Variants in PNPLA1 observed in about 807,000 individuals in gnomAD.
The protein encoded by PNPLA1 is omega-hydroxyceramide transacylase.
In PNPLA1, 36 loss-of-function variants were observed where a neutral mutation model predicts 51.7. The observed-to-expected ratio is 0.70, with a 90% confidence interval of 0.53 to 0.92. The LOEUF (loss-of-function observed/expected upper bound fraction) is 0.92, where lower values mean the gene tolerates loss of function less well. PNPLA1 is among the 40% of genes least tolerant of loss of function. The probability of loss-of-function intolerance (pLI) is 0.00; values close to 1 mark genes in which losing one functional copy is unlikely to be tolerated. For synonymous variants in PNPLA1, 293 were observed against 280.1 expected, an observed-to-expected ratio of 1.05 and a Z score of -0.46; for missense variants, 658 against 682.5, an observed-to-expected ratio of 0.96 and a Z score of 0.40.
intron 1 of PNPLA1, 43 bp downstream of exon 1, chr6:36,270,707 A>G (rs1228856601): frequency 3.5e-5 from 54 of 1,538,870 alleles, no homozygotes; most frequent in Non-Finnish European, 4.7e-5. Context: ...CTCTTGGGGG[A>G]TTCCACAGAG....
intron 7 of PNPLA1, among the ~76,000 whole-genome samples, chr6:36,306,630 T>C (rs1305907674): frequency 6.6e-6 from 1 of 152,182 alleles, no homozygotes; most frequent in Non-Finnish European, 1.5e-5. Flanking sequence ...CTGGGGATGC[T>C]CCTTCTCTGA....
chr6:36,286,241 A>G (rs1770484283), intron 1 of PNPLA1, among the ~76,000 whole-genome samples: 1 of 152,220 alleles, frequency 6.6e-6, no homozygotes, highest in Non-Finnish European at 1.5e-5. Context: ...TCTAGATAGC[A>G]TGTGGTGAAG....
At chr6:36,282,229 G>GGAAGGAAGGAAAGAAA (rs1770337839) in intron 1 of PNPLA1, among the ~76,000 whole-genome samples, 1 of 139,690 alleles carries the variant, frequency 7.2e-6, no homozygotes, top group African/African-American at 2.7e-5. Context: ...AAGGAAGGAA[G>GGAAGGAAGGAAAGAAA]GAAGGAAAGA....
intron 1 of PNPLA1, among the ~76,000 whole-genome samples, chr6:36,251,282 G>T (rs1164991817): frequency 6.6e-6 from 1 of 152,180 alleles, no homozygotes; most frequent in Non-Finnish European, 1.5e-5. Context: ...GGAGTACAGT[G>T]ATGCCATCAT....
rs145840707 is a variant in PNPLA1 at position 36,280,067 on chromosome 6, G to A, written c.205+9403G>A. Among the ~76,000 whole-genome samples, 174 of 152,296 alleles carry A rather than the reference G, an allele frequency of 1.1e-3. 1 individual carries two copies. Among genetic ancestry groups the A allele is most frequent in the African/African-American group, 3.8e-3 (160 of 41,568 alleles). On this transcript the variant is annotated intron_variant, in intron 1 of 8. Transcript: ENST00000636260. The stretch of plus-strand genomic sequence containing the variant: ...CTAAAAATACAAAAATTAGCTGGGC[G>A]TGGTGGTGCGTGCCTGTAGTCGTAG...
intron 1 of PNPLA1, among the ~76,000 whole-genome samples, chr6:36,250,760 G>A (rs1281151242): frequency 3.3e-5 from 5 of 152,208 alleles, no homozygotes; most frequent in Admixed American, 6.5e-5. Context: ...CTAGAGTGCA[G>A]TGGCGTGATC....
At chr6:36,267,452 G>A (rs530159542), upstream of PNPLA1, among the ~76,000 whole-genome samples, 144 of 152,314 alleles carry the variant, frequency 9.5e-4, no homozygotes, top group African/African-American at 3.1e-3. Flanking sequence ...TTTGCATGGA[G>A]GAGGCTGTGC....
chr6:36,289,850 A>G (rs1287344657), intron 1 of PNPLA1, among the ~76,000 whole-genome samples: 2 of 152,232 alleles, frequency 1.3e-5, no homozygotes, highest in Non-Finnish European at 2.9e-5. Context: ...GGTAAACCAT[A>G]AAACACAGGA....
intron 1 of PNPLA1, among the ~76,000 whole-genome samples, chr6:36,278,666 T>C (rs1770186177): frequency 6.6e-6 from 1 of 152,230 alleles, no homozygotes; most frequent in African/African-American, 2.4e-5. Flanking sequence ...GCTAAAATTA[T>C]ATGTAAAGAA....
rs547037174 is a variant in PNPLA1, at chr6:36,275,948, T to TTTTCTTTCTTTCTTTCTTTC, written c.205+5292_205+5311dup. Among the ~76,000 whole-genome samples the TTTTCTTTCTTTCTTTCTTTC allele has an allele frequency of 5.4e-4, 76 of 141,298 alleles. 5 individuals are homozygous for TTTTCTTTCTTTCTTTCTTTC. The highest frequency in any genetic ancestry group is 1.9e-3 in the African/African-American group (69 of 36,498). 92.7% of individuals were successfully genotyped at this position (141,298 alleles called of 152,430 possible). ...AATGGGACCTTTTTTACCTATGGCATTTTCTTTCTTTCTTTCTTTCTTTCT... is the reference window on the plus strand; with the variant it reads ...AATGGGACCTTTTTTACCTATGGCATTTTCTTTCTTTCTTTCTTTCTTTCTTTCTTTCTTTCTTTCTTTCT... On this transcript the variant is annotated intron_variant, in intron 1 of 8. Transcript: ENST00000636260.
At chr6:36,262,069 G>A (rs1769661373) in intron 1 of PNPLA1, among the ~76,000 whole-genome samples, 5 of 152,190 alleles carry the variant, frequency 3.3e-5, no homozygotes, top group Admixed American at 3.3e-4. Flanking sequence ...TCTCCACTGG[G>A]GAGGGGGTGC....
chr6:36,270,423 T>C lies in PNPLA1; in HGVS notation c.-37T>C. On this transcript the variant is annotated 5_prime_UTR_variant, in exon 1 of 9. Transcript: ENST00000636260. ...GCTCGGGCAGGCAAGTGCTGAAGGGTGGCTCCGCCTTCCGCAGAAAGTCAG... is the reference window on the plus strand; with the variant it reads ...GCTCGGGCAGGCAAGTGCTGAAGGGCGGCTCCGCCTTCCGCAGAAAGTCAG... 1 of 1,547,142 alleles carries C rather than the reference T, an allele frequency of 6.5e-7. No individual in the cohort carries two copies. Among genetic ancestry groups the C allele is most frequent in the Non-Finnish European group, 8.7e-7 (1 of 1,144,406 alleles).
intron 2 of PNPLA1, among the ~76,000 whole-genome samples, chr6:36,291,966 C>A (rs1425559803): frequency 6.6e-6 from 1 of 152,230 alleles, no homozygotes; most frequent in Admixed American, 6.5e-5. Context: ...TTTCTGCCCC[C>A]TCTCTTCCAG....
intron 1 of PNPLA1, among the ~76,000 whole-genome samples, chr6:36,244,379 T>C (rs771721667): frequency 3.3e-5 from 5 of 152,120 alleles, no homozygotes; most frequent in Admixed American, 6.5e-5. Context: ...GGTGGCATCC[T>C]ATATGTACTG....
At chr6:36,307,841 A>G (rs1561874904) in intron 8 of PNPLA1, 129 bp downstream of exon 8, 4 of 1,220,882 alleles carry the variant, frequency 3.3e-6, no homozygotes, top group East Asian at 2.9e-5. Context: ...GGGCTTTGGA[A>G]CAGACACATC....
chr6:36,267,531 A>C (rs956470842), upstream of PNPLA1, among the ~76,000 whole-genome samples: 5 of 152,194 alleles, frequency 3.3e-5, no homozygotes, highest in Non-Finnish European at 5.9e-5. Context: ...GCCGGGTCCA[A>C]GCAGGTGGGG....
intron 1 of PNPLA1, among the ~76,000 whole-genome samples, chr6:36,273,136 C>A (rs1769971776): frequency 6.6e-6 from 1 of 151,952 alleles, no homozygotes; most frequent in Non-Finnish European, 1.5e-5. Context: ...GTCCCAGCTA[C>A]TCGGGAGGCT....
intron 5 of PNPLA1, among the ~76,000 whole-genome samples, chr6:36,296,786 G>A (rs896287461): frequency 3.3e-5 from 5 of 152,112 alleles, no homozygotes; most frequent in African/African-American, 1.2e-4. Context: ...CCACCCACAA[G>A]CTGTGTGACC....
intron 1 of PNPLA1, chr6:36,243,287 A>C (rs1007843995): frequency 6.6e-6 from 1 of 152,250 alleles, no homozygotes; most frequent in African/African-American, 2.4e-5. Context: ...GCAAGTGGGA[A>C]AATGTTCATG....
Sources: allele counts gnomAD v4.1 joint callset (sites outside exome capture counted in the v4.1 genomes callset), GRCh38; gene constraint gnomAD v4.1.1; transcripts MANE v1.5; gene names NCBI Gene and HGNC (gene_info 2026-07-23, HGNC 2026-07-21).